The following STAT2 variants were observed in gnomAD, a reference collection of about 807,000 sequenced individuals.
STAT2 encodes interferon alpha induced transcriptional activator.
In STAT2, 51 loss-of-function variants were observed where a neutral mutation model predicts 122.3. The ratio of observed to expected loss-of-function variants is 0.42; its 90% CI spans 0.33 to 0.53. The LOEUF is 0.53. STAT2 is among the 20% of genes least tolerant of loss of function. The probability of loss-of-function intolerance (pLI) is 0.10; values close to 1 mark genes in which losing one functional copy is unlikely to be tolerated. For synonymous variants in STAT2, 351 were observed against 394.9 expected (o/e 0.89, Z 1.32); for missense variants, 736 against 1,010.3 (o/e 0.73, Z 3.68).
At chr12:56,353,845 A>T (rs1878938922) in intron 8 of STAT2, among the ~76,000 whole-genome samples, 3 of 149,406 alleles carry the variant, frequency 2.0e-5, no homozygotes, top group Non-Finnish European at 4.5e-5. Context: ...AATACAAAAA[A>T]ACTAGCCAGG....
In STAT2 at chr12:56,355,274, A is replaced by G; in HGVS notation, c.547+2T>C. ...TCTCCAGCCCCTCAATGTGCTTCCT[A>G]CCTTTGGCCTGGATCTTATATCGGA... On this transcript the variant is annotated splice_donor_variant, in intron 6 of 23. Transcript: ENST00000314128. LOFTEE classifies it high-confidence loss of function. The G allele has an allele frequency of 1.2e-6, 2 of 1,613,766 alleles. No homozygotes were observed. The highest frequency in any genetic ancestry group is 1.7e-6 in the Non-Finnish European group (2 of 1,179,966).
intron 21 of STAT2, 112 bp downstream of exon 21, chr12:56,346,330 C>T: frequency 2.6e-6 from 4 of 1,555,254 alleles, no homozygotes; most frequent in Non-Finnish European, 3.5e-6. Context: ...ATGGACGAAT[C>T]CCTTAATTCC....
In STAT2 at chr12:56,346,946, C is replaced by T. The variant is rs534150839; in HGVS notation, c.1734G>A (p.Met578Ile). 6.2e-7 allele frequency: 1 copy of T among 1,614,150 alleles called. No individual in the cohort carries two copies. Among genetic ancestry groups the T allele is most frequent in the Non-Finnish European group, 8.5e-7 (1 of 1,180,022 alleles). ...LKDLWNDGRIMGFVSRSQERR... is the reference protein window; with the variant it reads ...LKDLWNDGRIIGFVSRSQERR... ...GCTCCTGGCTCCGACTCACAAAGCC[C>T]ATGATGCGTCTGGAGCACAGAGAGC... is the stretch of plus-strand genomic sequence containing the variant. Residue 578 changes from methionine (M) to isoleucine (I), a missense_variant, in exon 20 of 24, where the codon ATG (methionine) becomes ATA (isoleucine). Coordinates refer to ENST00000314128, the MANE Select transcript of STAT2 (RefSeq NM_005419.4).
intron 19 of STAT2, among the ~76,000 whole-genome samples, chr12:56,347,670 T>C (rs1383029522): frequency 6.6e-6 from 1 of 151,866 alleles, no homozygotes; most frequent in African/African-American, 2.4e-5. Context: ...CCCGGCTAAT[T>C]TTTGTATTTT....
In STAT2 at chr12:56,351,163, G is replaced by T. The variant is rs746269128; in HGVS notation, c.969C>A (p.Cys323Ter). ...GGGGTCGATGGGGAGTTTGGGGCAT[G>T]CAGGGCTGGGTTTCTACCACAAAGG... is the stretch of plus-strand genomic sequence containing the variant. ...HRAFVVETQP[C>*]MPQTPHRPLI... The change falls in exon 10 of 24, where the codon TGC (cysteine) becomes TGA (stop). Residue 323 changes from cysteine to a stop codon, truncating the protein, a stop_gained. Coordinates refer to ENST00000314128, the MANE Select transcript of STAT2 (RefSeq NM_005419.4). LOFTEE classifies it high-confidence loss of function. 1 of 1,613,994 alleles carries T rather than the reference G, an allele frequency of 6.2e-7. No individual in the cohort carries two copies. The highest frequency in any genetic ancestry group is 1.3e-5 in the African/African-American group (1 of 74,922).
intron 19 of STAT2, 92 bp from the exon 20 acceptor site, chr12:56,347,047 C>T: frequency 6.5e-7 from 1 of 1,544,544 alleles, no homozygotes; most frequent in Non-Finnish European, 8.7e-7. Context: ...AGAAACAGCC[C>T]AGGTTTGGAA....
chr12:56,356,381 C>G, intron 2 of STAT2, 60 bp downstream of exon 2: 1 of 1,607,846 alleles, frequency 6.2e-7, no homozygotes, highest in South Asian at 1.1e-5. Context: ...TTCCAGGATC[C>G]CGGGGGCCCA....
At position 56,356,045 on chromosome 12, in the gene STAT2, C is replaced by A. The variant is rs570132206; in HGVS notation, c.285+87G>T. 3.0e-4 allele frequency: 461 copies of A among 1,528,826 alleles called. 3 individuals carry two copies. Among genetic ancestry groups the A allele is most frequent in the Admixed American group, 1.0e-3 (53 of 50,660 alleles). 94.7% of individuals were successfully genotyped at this position (1,528,826 alleles called of 1,614,324 possible). ...ACATTTGTTCCCGTCTCCCTTTCCA[C>A]CTCCAGGTACTATTCTATTCTCCAA... On this transcript the variant is annotated intron_variant, in intron 3 of 23. Transcript: ENST00000314128.
In STAT2 at chr12:56,354,337, A is replaced by G; in HGVS notation, c.782+129T>C. On this transcript the variant is annotated intron_variant, in intron 8 of 23. Transcript: ENST00000314128. Reference sequence around the variant, plus strand: ...TGAGGAGCAGAATAGAGCTGCAGTCAGCAGGGAGCAGGGCTCATTCTGGGG... The same window carrying G: ...TGAGGAGCAGAATAGAGCTGCAGTCGGCAGGGAGCAGGGCTCATTCTGGGG... 4.2e-6 allele frequency: 6 copies of G among 1,423,454 alleles called. No individual in the cohort carries two copies. In the South Asian group the frequency reaches 7.9e-5, roughly 19 times the overall value. 88.2% of individuals were successfully genotyped at this position (1,423,454 alleles called of 1,614,324 possible).
chr12:56,343,566 C>G (rs761082149), intron 23 of STAT2, 35 bp from the exon 24 acceptor site: 1 of 1,603,922 alleles, frequency 6.2e-7, no homozygotes, highest in South Asian at 1.1e-5. Context: ...AGGCCCCGAT[C>G]TTAGTTAGGA....
Position 56,349,578 on chromosome 12 carries a change from C to G in STAT2, c.1257+11G>C, listed in dbSNP as rs1565652563. The G allele has an allele frequency of 6.2e-7, 1 of 1,614,168 alleles. No individual in the cohort carries two copies. The highest frequency in any genetic ancestry group is 8.5e-7 in the Non-Finnish European group (1 of 1,180,034). On this transcript the variant is annotated intron_variant, in intron 14 of 23. Transcript: ENST00000314128. ...GCTCCCCCTGCCTCGAGTCCTCTGT[C>G]CAGATCTCACCTTATTGCTGCCCTT...
At chr12:56,349,966 T>C in intron 13 of STAT2, 131 bp downstream of exon 13, 3 of 798,566 alleles carry the variant, frequency 3.8e-6, no homozygotes, top group Non-Finnish European at 6.2e-6. Flanking sequence ...GAAGAATTGC[T>C]TGAACCCGGG....
Position 56,349,500 on chromosome 12 carries a change from C to T in STAT2, c.1267G>A (p.Gly423Ser), listed in dbSNP as rs1397328189. ...SGKGSNKGPL[G>S]VTEELHIISF... ...ATGATGTGCAGTTCCTCTGTCACAC[C>T]TAGTGGCCCCTGGGACAGCCAAAGA... The change falls in exon 15 of 24, where the codon GGT becomes AGT. Residue 423 changes from glycine to serine, a missense_variant. Transcript: ENST00000314128. 3 of 1,614,174 alleles carry T rather than the reference C, an allele frequency of 1.9e-6. No homozygotes were observed. In the South Asian group the frequency reaches 3.3e-5, roughly 18 times the overall value.
chr12:56,353,098 C>T (rs1476413627), intron 8 of STAT2, among the ~76,000 whole-genome samples: 6 of 152,110 alleles, frequency 3.9e-5, no homozygotes, highest in Non-Finnish European at 7.4e-5. Context: ...ATTTTCCTGC[C>T]TTAGCCTCCT....
At chr12:56,355,386 C>T (rs747232767) in intron 5 of STAT2, 35 bp from the exon 6 acceptor site, 2 of 1,614,110 alleles carry the variant, frequency 1.2e-6, no homozygotes, top group South Asian at 2.2e-5. Context: ...GAGGCTGCTT[C>T]TCAGGGAGGT....
rs1178952083 is a variant in STAT2 at position 56,350,820 on chromosome 12, C to T, written c.1094+9G>A. ...GTGTCCTGGCCACCCTTCACCTGCT[C>T]CAATTTACCTGTCAATGGAGACTTC... On this transcript the variant is annotated intron_variant, in intron 11 of 23. Transcript: ENST00000314128. 6.2e-7 allele frequency: 1 copy of T among 1,613,880 alleles called. No homozygotes were observed. The highest frequency in any genetic ancestry group is 2.2e-5 in the East Asian group (1 of 44,884).
intron 15 of STAT2, 63 bp downstream of exon 15, chr12:56,349,363 A>G: frequency 1.2e-6 from 2 of 1,614,108 alleles, no homozygotes; most frequent in South Asian, 2.2e-5. Context: ...GCTTCTGTTT[A>G]TCCCCTTCTT....
intron 8 of STAT2, 75 bp from the exon 9 acceptor site, chr12:56,351,525 G>A (rs762619): frequency 1.3e-6 from 2 of 1,505,698 alleles, no homozygotes; most frequent in African/African-American, 1.4e-5. Context: ...AGATCTCTCT[G>A]TAAATATGTG....
rs368002633 is a variant in STAT2, at chr12:56,346,149, T to C, written c.2099A>G (p.Asn700Ser). 14 of 1,614,032 alleles carry C rather than the reference T, an allele frequency of 8.7e-6. No homozygotes were observed. Among genetic ancestry groups the C allele is most frequent in the Middle Eastern group, 1.6e-4 (1 of 6,084 alleles). ...YLKHRLIVVS[N>S]RQVDELQQPL... is the part of the protein sequence containing the mutation. ...GAATGAAGAGTTCATATCTCACCTATTAGAGACCACAATGAGCCTGTGTTT... is the reference window on the plus strand; with the variant it reads ...GAATGAAGAGTTCATATCTCACCTACTAGAGACCACAATGAGCCTGTGTTT... Residue 700 changes from asparagine (N) to serine (S), a missense_variant, in exon 22 of 24, where the codon AAT becomes AGT. Transcript: ENST00000314128.
Sources: gnomAD v4.1 joint callset for allele counts (sites outside exome capture counted in the v4.1 genomes callset) on GRCh38, gnomAD v4.1.1 for gene constraint, MANE v1.5 for transcripts, NCBI Gene and HGNC (gene_info 2026-07-23, HGNC 2026-07-21) for gene names.